FAM114A1: variants seen among roughly 807,000 people sequenced by gnomAD.
FAM114A1 encodes family with sequence similarity 114 member A1.
FAM114A1 carries 62 observed loss-of-function variants against 64.3 expected under a neutral mutation model. The ratio of observed to expected loss-of-function variants is 0.96; its 90% CI spans 0.79 to 1.19. The LOEUF (loss-of-function observed/expected upper bound fraction) is 1.19, where lower values mean the gene tolerates loss of function less well. FAM114A1 is among the 50% of genes most tolerant of loss of function. FAM114A1 has a pLI of 0.00. For missense variants in FAM114A1, 645 were observed against 676.3 expected (o/e 0.95, Z 0.51); for synonymous variants, 254 against 251.1 (o/e 1.01, Z -0.11).
intron 14 of FAM114A1, 55 bp from the exon 15 acceptor site, chr4:38,943,401 T>G (rs1378884124): frequency 4.9e-6 from 7 of 1,435,272 alleles, no homozygotes; most frequent in Non-Finnish European, 6.9e-6. Context: ...TTGGAAGTAT[T>G]GTCAAGGTTG....
At position 38,932,941 on chromosome 4, in the gene FAM114A1, C is replaced by A. The variant is rs146811045; in HGVS notation, c.1463+567C>A. On this transcript the variant is annotated intron_variant, in intron 12 of 14. Coordinates refer to ENST00000358869, the MANE Select transcript of FAM114A1 (RefSeq NM_138389.4). Reference sequence around the variant, plus strand: ...CGATCTCAACTCACTGCAACCTCCGCCTCCCAGGTTCAAGCGATTCTCCTG... The same window carrying A: ...CGATCTCAACTCACTGCAACCTCCGACTCCCAGGTTCAAGCGATTCTCCTG... Among the ~76,000 whole-genome samples, 453 of 151,362 alleles carry A rather than the reference C, an allele frequency of 3.0e-3. 12 individuals are homozygous for A. The East Asian group carries it at 0.058, about 19-fold the overall frequency.
At chr4:38,911,421 A>G (rs912991465) in intron 7 of FAM114A1, among the ~76,000 whole-genome samples, 1 of 152,244 alleles carries the variant, frequency 6.6e-6, no homozygotes, top group Non-Finnish European at 1.5e-5. Context: ...TTCGAAGTCC[A>G]GCATTTATGC....
At chr4:38,922,478 C>A (rs1372160050) in intron 8 of FAM114A1, among the ~76,000 whole-genome samples, 1 of 152,134 alleles carries the variant, frequency 6.6e-6, no homozygotes, top group Non-Finnish European at 1.5e-5. Flanking sequence ...GAAGAGCTAC[C>A]ACCACCATTT....
chr4:38,901,543 C>T (rs938024770), intron 4 of FAM114A1, among the ~76,000 whole-genome samples: 5 of 152,174 alleles, frequency 3.3e-5, no homozygotes, highest in African/African-American at 4.8e-5. Flanking sequence ...CCGCCTACCT[C>T]GGCCTCCCAA....
chr4:38,882,079 G>A (rs55934140), intron 3 of FAM114A1, among the ~76,000 whole-genome samples: 7 of 152,038 alleles, frequency 4.6e-5, no homozygotes, highest in African/African-American at 1.4e-4. Flanking sequence ...TTGGGAGGCC[G>A]AGGCGGGTGG....
intron 2 of FAM114A1, among the ~76,000 whole-genome samples, chr4:38,871,165 C>CT: frequency 6.9e-6 from 1 of 145,284 alleles, no homozygotes; most frequent in Non-Finnish European, 1.5e-5. Context: ...TCCTGGCTCA[C>CT]TGTAGCCTCT....
In FAM114A1 at chr4:38,879,758, G is replaced by C. The variant is rs140144525; in HGVS notation, c.348+1332G>C. Among the ~76,000 whole-genome samples, 232 of 152,208 alleles carry C rather than the reference G, an allele frequency of 1.5e-3. 2 individuals carry two copies. In the South Asian group the frequency reaches 0.024, roughly 16 times the overall value. ...TTTTGTTTATGAGTTTCAAGAGGTC[G>C]CTGACCCTTTGAAGCCATCCATAGA... is the stretch of plus-strand genomic sequence containing the variant. On this transcript the variant is annotated intron_variant, in intron 3 of 14. Coordinates refer to ENST00000358869, the MANE Select transcript of FAM114A1 (RefSeq NM_138389.4).
intron 2 of FAM114A1, among the ~76,000 whole-genome samples, chr4:38,871,086 CTTTTTT>C (rs9306968): frequency 4.3e-5 from 4 of 94,030 alleles, no homozygotes; most frequent in African/African-American, 4.5e-5. Context: ...TTTTTTCTTT[CTTTTTT>C]TTTTTTTTTT....
At chr4:38,901,658 TC>T (rs1300309152) in intron 4 of FAM114A1, among the ~76,000 whole-genome samples, 2 of 152,220 alleles carry the variant, frequency 1.3e-5, no homozygotes, top group Admixed American at 6.5e-5. Flanking sequence ...ATTTCATCTT[TC>T]CAGAAAGAGG....
At chr4:38,875,918 T>A (rs1256280492) in intron 2 of FAM114A1, among the ~76,000 whole-genome samples, 1 of 152,212 alleles carries the variant, frequency 6.6e-6, no homozygotes, top group African/African-American at 2.4e-5. Context: ...ATCAATAATT[T>A]GTAAGCTTTA....
chr4:38,942,682 T>G (rs1428739013), intron 14 of FAM114A1, among the ~76,000 whole-genome samples: 1 of 152,212 alleles, frequency 6.6e-6, no homozygotes, highest in Non-Finnish European at 1.5e-5. Flanking sequence ...TAAAGTACCA[T>G]GCATAGGAGG....
At chr4:38,930,177 A>G (rs1243320375) in intron 10 of FAM114A1, among the ~76,000 whole-genome samples, 2 of 152,186 alleles carry the variant, frequency 1.3e-5, no homozygotes, top group African/African-American at 2.4e-5. Context: ...TTCCTCTAAT[A>G]ATACCACAGT....
intron 14 of FAM114A1, among the ~76,000 whole-genome samples, 185 bp from the exon 15 acceptor site, chr4:38,943,271 A>G (rs767662567): frequency 2.4e-4 from 37 of 152,036 alleles, no homozygotes; most frequent in Non-Finnish European, 4.9e-4. Flanking sequence ...AGTATAGATA[A>G]TTGAGAGCTG....
chr4:38,899,125 C>G (rs1254253828), intron 4 of FAM114A1, among the ~76,000 whole-genome samples: 1 of 151,512 alleles, frequency 6.6e-6, no homozygotes, highest in Non-Finnish European at 1.5e-5. Flanking sequence ...GGTTGGATGC[C>G]CAGCAGAGGG....
chr4:38,891,931 G>A (rs543474394), intron 4 of FAM114A1, 101 bp downstream of exon 4: 65 of 1,022,906 alleles, frequency 6.4e-5, no homozygotes, highest in Middle Eastern at 2.2e-4. Flanking sequence ...ACATTAGCCC[G>A]TGAGCAAACC....
intron 4 of FAM114A1, among the ~76,000 whole-genome samples, chr4:38,900,860 A>T (rs960590133): frequency 3.9e-5 from 6 of 152,266 alleles, no homozygotes; most frequent in Middle Eastern, 3.4e-3. Flanking sequence ...TGATGGTTGC[A>T]TAATATTGTG....
intron 2 of FAM114A1, among the ~76,000 whole-genome samples, chr4:38,873,693 C>A (rs1714329267): frequency 1.3e-5 from 2 of 152,328 alleles, no homozygotes; most frequent in South Asian, 2.1e-4. Flanking sequence ...ACATATGGAA[C>A]TAACAGCCCC....
At chr4:38,940,697 A>T (rs1390680619) in intron 13 of FAM114A1, among the ~76,000 whole-genome samples, 1 of 152,176 alleles carries the variant, frequency 6.6e-6, no homozygotes, top group Non-Finnish European at 1.5e-5. Flanking sequence ...TGTGACCTTA[A>T]GCAAGTTACT....
intron 7 of FAM114A1, 102 bp from the exon 8 acceptor site, chr4:38,914,819 T>G (rs1718878581): frequency 1.5e-6 from 2 of 1,313,806 alleles, no homozygotes; most frequent in Non-Finnish European, 2.1e-6. Context: ...AATCTCCCCC[T>G]CTCCAACACA....
Sources: allele counts gnomAD v4.1 joint callset (sites outside exome capture counted in the v4.1 genomes callset), GRCh38; gene constraint gnomAD v4.1.1; transcripts MANE v1.5; gene names NCBI Gene and HGNC (gene_info 2026-07-23, HGNC 2026-07-21).